The following TRPC4AP variants were observed in gnomAD, a reference collection of about 807,000 sequenced individuals.
TRPC4AP encodes the protein transient receptor potential cation channel subfamily C member 4 associated protein.
Under a neutral mutation model 99.0 loss-of-function variants are expected in TRPC4AP, and 45 were observed. The ratio of observed to expected loss-of-function variants is 0.45; its 90% CI spans 0.36 to 0.58. The LOEUF (loss-of-function observed/expected upper bound fraction) is 0.58. Ranked by LOEUF, TRPC4AP falls within the 20% of genes least tolerant of loss-of-function variation. The pLI is 0.00. For missense variants in TRPC4AP, 879 were observed against 985.3 expected (o/e 0.89, Z 1.44); for synonymous variants, 408 against 385.8 (o/e 1.06, Z -0.67).
chr20:35,006,021 G>A (rs1166381219), intron 15 of TRPC4AP, among the ~76,000 whole-genome samples: 2 of 152,230 alleles, frequency 1.3e-5, no homozygotes, highest in Admixed American at 6.5e-5. Context: ...ACTCTCTCCA[G>A]TGGTTTTACG....
Position 35,040,082 on chromosome 20 carries a change from A to AC in TRPC4AP, c.865+4422dup, listed in dbSNP as rs552284901. Among the ~76,000 whole-genome samples, 887 of 148,812 alleles carry AC rather than the reference A, an allele frequency of 6.0e-3. 5 individuals carry two copies. Among genetic ancestry groups the AC allele is most frequent in the East Asian group, 0.014 (67 of 4,920 alleles). On this transcript the variant is annotated intron_variant, in intron 7 of 18. Coordinates refer to ENST00000252015, the MANE Select transcript of TRPC4AP (RefSeq NM_015638.3). ...CCATACAGTTATGGACTGTGTCCCC[A>AC]CCCCCCGCGCCCCCACAAATTCATA... is the stretch of plus-strand genomic sequence containing the variant.
At chr20:35,037,369 A>C (rs1190451114) in intron 7 of TRPC4AP, among the ~76,000 whole-genome samples, 1 of 141,064 alleles carries the variant, frequency 7.1e-6, no homozygotes, top group South Asian at 2.3e-4. Flanking sequence ...AAAAAAAAAA[A>C]GTCAAACATA....
chr20:35,007,221 A>G (rs1463364629), intron 14 of TRPC4AP, among the ~76,000 whole-genome samples: 1 of 152,210 alleles, frequency 6.6e-6, no homozygotes, highest in Non-Finnish European at 1.5e-5. Context: ...ATTCTGCTCT[A>G]AGTTTTACTT....
intron 15 of TRPC4AP, among the ~76,000 whole-genome samples, chr20:35,006,184 A>C (rs2082511426): frequency 6.6e-6 from 1 of 151,990 alleles, no homozygotes; most frequent in South Asian, 2.1e-4. Flanking sequence ...ATGCTGCGTC[A>C]CGGCAGGCGC....
intron 7 of TRPC4AP, among the ~76,000 whole-genome samples, chr20:35,040,424 T>C (rs556983506): frequency 3.9e-5 from 6 of 152,330 alleles, no homozygotes; most frequent in Non-Finnish European, 7.4e-5. Flanking sequence ...CCTACTGCTC[T>C]TGGATATCAG....
chr20:35,088,246 T>A (rs6088703), intron 1 of TRPC4AP, among the ~76,000 whole-genome samples: 28,116 of 152,156 alleles, frequency 0.18, 2,683 homozygotes, highest in Middle Eastern at 0.33. Flanking sequence ...CCTATGATAC[T>A]TACTTTACAA....
At chr20:35,005,563 A>G (rs2147262390) in intron 16 of TRPC4AP, 132 bp downstream of exon 16, 2 of 743,928 alleles carry the variant, frequency 2.7e-6, no homozygotes, top group East Asian at 2.7e-5. Context: ...GGAAGCCGCC[A>G]CCTTGAGGCC....
At chr20:35,049,560 C>T (rs971333421) in intron 6 of TRPC4AP, among the ~76,000 whole-genome samples, 2 of 152,136 alleles carry the variant, frequency 1.3e-5, no homozygotes, top group Admixed American at 6.5e-5. Flanking sequence ...CTTGCCCCAA[C>T]GGTGATGAGT....
intron 3 of TRPC4AP, among the ~76,000 whole-genome samples, chr20:35,061,459 CT>C (rs1490685823): frequency 5.3e-5 from 8 of 152,212 alleles, no homozygotes; most frequent in Non-Finnish European, 7.4e-5. Context: ...CAGCTGGCTT[CT>C]TTGCAGAAAT....
At chr20:35,015,594 T>G (rs1012892069) in intron 10 of TRPC4AP, among the ~76,000 whole-genome samples, 1 of 150,666 alleles carries the variant, frequency 6.6e-6, no homozygotes, top group African/African-American at 2.4e-5. Flanking sequence ...TCCCGAAGAG[T>G]TGGGATTACA....
At chr20:35,059,057 C>T (rs914981699) in intron 3 of TRPC4AP, among the ~76,000 whole-genome samples, 1 of 151,984 alleles carries the variant, frequency 6.6e-6, no homozygotes, top group African/African-American at 2.4e-5. Context: ...GCAGACTAAA[C>T]CCAAAGCAAG....
rs111896985 is a variant in TRPC4AP, at chr20:35,084,711, T to C, written c.169-6537A>G. ...ATGCATATATGTGTATATGTATATA[T>C]GTTTATATGCATATATGTGTATATG... On this transcript the variant is annotated intron_variant, in intron 1 of 18. Coordinates refer to ENST00000252015, the MANE Select transcript of TRPC4AP (RefSeq NM_015638.3). 1.4e-5 allele frequency among the ~76,000 whole-genome samples: 2 copies of C among 138,920 alleles called. 1 individual carries two copies. The highest frequency in any genetic ancestry group is 4.1e-4 in the East Asian group (2 of 4,934). 91.1% of individuals were successfully genotyped at this position (138,920 alleles called of 152,430 possible).
rs778583111 is a variant in TRPC4AP, at chr20:35,049,975, C to T, written c.548G>A (p.Arg183His). 7.4e-6 allele frequency: 12 copies of T among 1,613,676 alleles called. No individual in the cohort carries two copies. The highest frequency in any genetic ancestry group is 2.2e-5 in the East Asian group (1 of 44,854). ...TCVCTEGVTK[R>H]LAEKNDFVIF... is the part of the protein sequence containing the mutation. ...CACAAAGTCATTCTTTTCTGCCAAA[C>T]GCTTTGTAACTCCCTCTGTCTGTCA... The change falls in exon 6 of 19, where the codon CGT (arginine) becomes CAT (histidine). Residue 183 changes from arginine (R) to histidine (H), a missense_variant. Around this residue, in one of 3 missense-constraint regions of TRPC4AP, gnomAD observed 603 missense variants for 631.8 expected, o/e 0.95. Transcript: ENST00000252015.
At chr20:35,051,033 TACACACACACAC>T (rs34091819) in intron 5 of TRPC4AP, among the ~76,000 whole-genome samples, 24 of 144,882 alleles carry the variant, frequency 1.7e-4, no homozygotes, top group African/African-American at 3.6e-4. Context: ...TGCTATAGCT[TACACACACACAC>T]ACACACACAC....
chr20:35,057,465 G>C, intron 4 of TRPC4AP, 49 bp downstream of exon 4: 1 of 1,483,012 alleles, frequency 6.7e-7, no homozygotes, highest in Non-Finnish European at 9.4e-7. Flanking sequence ...AACTGCCACC[G>C]TATCGGCAGG....
intron 3 of TRPC4AP, among the ~76,000 whole-genome samples, chr20:35,069,044 G>A (rs1450050124): frequency 2.6e-5 from 4 of 151,442 alleles, no homozygotes; most frequent in Non-Finnish European, 4.4e-5. Flanking sequence ...TTCTGAGGAG[G>A]GGACACTGGG....
intron 2 of TRPC4AP, among the ~76,000 whole-genome samples, chr20:35,072,935 T>C (rs901718435): frequency 2.0e-5 from 3 of 152,356 alleles, no homozygotes; most frequent in South Asian, 2.1e-4. Flanking sequence ...TTCTTCCATT[T>C]GTTTGTGTCC....
At chr20:35,090,555 G>A (rs1239564896) in intron 1 of TRPC4AP, among the ~76,000 whole-genome samples, 10 of 151,878 alleles carry the variant, frequency 6.6e-5, no homozygotes, top group Non-Finnish European at 2.9e-5. Context: ...TGTATTTTTA[G>A]TAGAGACGGG....
At chr20:35,072,734 TC>T in intron 2 of TRPC4AP, among the ~76,000 whole-genome samples, 1 of 152,196 alleles carries the variant, frequency 6.6e-6, no homozygotes, top group Admixed American at 6.5e-5. Context: ...CAGCTTTGGT[TC>T]TTTTGGCTTA....
Sources: allele counts gnomAD v4.1 joint callset (sites outside exome capture counted in the v4.1 genomes callset), GRCh38; gene constraint gnomAD v4.1.1; regional missense constraint gnomAD v4.1.1; transcripts MANE v1.5; gene names NCBI Gene and HGNC (gene_info 2026-07-23, HGNC 2026-07-21).